PLPP7: variants seen among roughly 807,000 people sequenced by gnomAD.
PLPP7 encodes phospholipid phosphatase 7 (inactive), also known as inactive phospholipid phosphatase 7.
A neutral mutation model predicts 16.9 loss-of-function variants in PLPP7; 11 were observed. The ratio of observed to expected loss-of-function variants is 0.65; its 90% CI spans 0.41 to 1.08. PLPP7 has a LOEUF of 1.08. Among genes scored for constraint, PLPP7 ranks in the 50% least tolerant of loss-of-function variants. The pLI is 0.00. For synonymous variants in PLPP7, 174 were observed against 175.1 expected, an observed-to-expected ratio of 0.99 and a Z score of 0.05; for missense variants, 358 against 397.1, an observed-to-expected ratio of 0.90 and a Z score of 0.84.
intron 1 of PLPP7, among the ~76,000 whole-genome samples, chr9:131,296,173 T>C (rs1409104959): frequency 6.6e-6 from 1 of 152,134 alleles, no homozygotes; most frequent in Admixed American, 6.5e-5. Flanking sequence ...CATTATCTGG[T>C]TTTTCAATCA....
Position 131,308,155 on chromosome 9 carries a change from C to T in PLPP7, c.684C>T (p.Ser228=), listed in dbSNP as rs990815589. Reference sequence around the variant, plus strand: ...TCTGGGCCCTCTGCGTGGGCCTGTCCCGCGTGATGATCGGCCGCCACCACG... The same window carrying T: ...TCTGGGCCCTCTGCGTGGGCCTGTCTCGCGTGATGATCGGCCGCCACCACG... The part of the protein sequence containing the change: ...LVLWALCVGL[S]RVMIGRHHVT... The change falls in exon 2 of 2, where the codon TCC becomes TCT. Residue 228 remains serine (S), a synonymous_variant. Coordinates refer to ENST00000372264, the MANE Select transcript of PLPP7 (RefSeq NM_032728.4). 1 of 1,600,646 alleles carries T rather than the reference C, an allele frequency of 6.2e-7. No homozygotes were observed. Among genetic ancestry groups the T allele is most frequent in the Non-Finnish European group, 8.5e-7 (1 of 1,179,820 alleles).
chr9:131,301,523 C>T (rs1170076830), intron 1 of PLPP7, among the ~76,000 whole-genome samples: 4 of 152,232 alleles, frequency 2.6e-5, no homozygotes, highest in Non-Finnish European at 5.9e-5. Context: ...GCCTCTCTTA[C>T]TTGTCTTGAG....
chr9:131,303,488 C>CTTTTTTTTTTTTTTTTTTTTT (rs5900928), intron 1 of PLPP7, among the ~76,000 whole-genome samples: 1 of 143,922 alleles, frequency 6.9e-6, no homozygotes, highest in African/African-American at 2.6e-5. Flanking sequence ...TCTTCTGTGT[C>CTTTTTTTTTTTTTTTTTTTTT]TTTTTTTTTT....
chr9:131,302,051 T>C (rs1835804556), intron 1 of PLPP7, among the ~76,000 whole-genome samples: 1 of 152,098 alleles, frequency 6.6e-6, no homozygotes, highest in African/African-American at 2.4e-5. Flanking sequence ...ACTCCTGACC[T>C]CAGGCGCTCC....
At chr9:131,293,316 T>C (rs1226919607) in intron 1 of PLPP7, among the ~76,000 whole-genome samples, 1 of 151,948 alleles carries the variant, frequency 6.6e-6, no homozygotes, top group African/African-American at 2.4e-5. Context: ...TGGGAGGAGG[T>C]TGACTGTCTT....
rs533570135 is a variant in PLPP7, at chr9:131,295,825, C to T, written c.451+5377C>T. Among the ~76,000 whole-genome samples, 29 of 152,258 alleles carry T rather than the reference C, an allele frequency of 1.9e-4. No individual in the cohort carries two copies. Among genetic ancestry groups the T allele is most frequent in the African/African-American group, 6.0e-4 (25 of 41,544 alleles). On this transcript the variant is annotated intron_variant, in intron 1 of 1. Transcript: ENST00000372264. This position sits in a 1 kb window ranked among gnomAD's most constrained non-coding sequence, Gnocchi z 4.0. ...CGAGGTCCATCCATGCTGTAGCGGG[C>T]GCCGGCATTTCCTTCCTCTCTAAGG...
chr9:131,301,673 C>T (rs1346151566), intron 1 of PLPP7, among the ~76,000 whole-genome samples: 1 of 152,198 alleles, frequency 6.6e-6, no homozygotes. Flanking sequence ...CCAGGCGGGG[C>T]TAGGACTCAC....
At chr9:131,304,495 C>T (rs1372396596) in intron 1 of PLPP7, among the ~76,000 whole-genome samples, 12 of 152,114 alleles carry the variant, frequency 7.9e-5, no homozygotes, top group African/African-American at 2.2e-4. Context: ...ATTAGCCAGC[C>T]GTGGTGTCAG....
chr9:131,300,858 C>T lies in PLPP7; in HGVS notation c.452-7065C>T, dbSNP rs369211847. ...AGTTGAGGTGCTGGGCCCAGTGTAC[C>T]CCCCGGGTGACTTAGTAAAGTCAGC... On this transcript the variant is annotated intron_variant, in intron 1 of 1. Transcript: ENST00000372264. Among the ~76,000 whole-genome samples the T allele has an allele frequency of 3.9e-5, 6 of 152,156 alleles. No homozygotes were observed. In the East Asian group the frequency reaches 1.2e-3, roughly 29 times the overall value.
rs367828049 is a variant in PLPP7 at position 131,307,916 on chromosome 9, C to T, written c.452-7C>T. ...ATGGCCCAGGGGCCTCTGTCTCCCC[C>T]CAACAGCCCTGCTCCTGGACATCAT... is the stretch of plus-strand genomic sequence containing the variant. On this transcript the variant is annotated splice_polypyrimidine_tract_variant and splice_region_variant and intron_variant, in intron 1 of 1. Transcript: ENST00000372264. 1.2e-5 allele frequency: 19 copies of T among 1,570,368 alleles called. No homozygotes were observed. In the South Asian group the frequency reaches 1.5e-4, roughly 12 times the overall value.
intron 1 of PLPP7, among the ~76,000 whole-genome samples, chr9:131,300,632 T>A (rs1835787380): frequency 6.8e-6 from 1 of 146,516 alleles, no homozygotes; most frequent in Non-Finnish European, 1.5e-5. Flanking sequence ...CAATGAACCA[T>A]GTTTGCACCA....
chr9:131,308,137 C>A lies in PLPP7; in HGVS notation c.666C>A (p.Ala222=). 6.2e-7 allele frequency: 1 copy of A among 1,600,952 alleles called. No homozygotes were observed. Among genetic ancestry groups the A allele is most frequent in the Non-Finnish European group, 8.5e-7 (1 of 1,179,792 alleles). The change falls in exon 2 of 2, where the codon GCC becomes GCA. Residue 222 remains alanine, a synonymous_variant. Coordinates refer to ENST00000372264, the MANE Select transcript of PLPP7 (RefSeq NM_032728.4). ...TGCGTGTGCTGCTGGTGCTCTGGGCCCTCTGCGTGGGCCTGTCCCGCGTGA... is the reference window on the plus strand; with the variant it reads ...TGCGTGTGCTGCTGGTGCTCTGGGCACTCTGCGTGGGCCTGTCCCGCGTGA... The part of the protein sequence containing the change: ...VPLRVLLVLW[A]LCVGLSRVMI...
At chr9:131,306,145 G>T (rs1044803252) in intron 1 of PLPP7, among the ~76,000 whole-genome samples, 5 of 152,086 alleles carry the variant, frequency 3.3e-5, no homozygotes, top group Non-Finnish European at 7.4e-5. Flanking sequence ...GCTGAGGCAG[G>T]AGAATGGCGT....
rs145074466 is a variant in PLPP7 at position 131,305,808 on chromosome 9, T to G, written c.452-2115T>G. Among the ~76,000 whole-genome samples the G allele has an allele frequency of 1.8e-3, 279 of 152,308 alleles. 1 individual carries two copies. The highest frequency in any genetic ancestry group is 6.4e-3 in the African/African-American group (268 of 41,580). ...CACACATGTCTAATTTTTGTATTTT[T>G]TGTACAAACAGGGTTTTGCCATGTT... On this transcript the variant is annotated intron_variant, in intron 1 of 1. Transcript: ENST00000372264.
At chr9:131,297,701 T>C (rs1236662257) in intron 1 of PLPP7, among the ~76,000 whole-genome samples, 2 of 152,204 alleles carry the variant, frequency 1.3e-5, no homozygotes, top group Non-Finnish European at 2.9e-5. Context: ...AAATAACTTT[T>C]TAAAAATGTG....
At chr9:131,305,099 G>A (rs1171753500) in intron 1 of PLPP7, among the ~76,000 whole-genome samples, 1 of 152,174 alleles carries the variant, frequency 6.6e-6, no homozygotes, top group Non-Finnish European at 1.5e-5. Context: ...CACACACAGA[G>A]TTACTGTCAT....
In PLPP7 at chr9:131,308,409, C is replaced by T; in HGVS notation, c.*122C>T. 5.0e-6 allele frequency: 7 copies of T among 1,402,004 alleles called. No individual in the cohort carries two copies. The highest frequency in any genetic ancestry group is 6.6e-6 in the Non-Finnish European group (7 of 1,068,186). The allele number at this position is 1,402,004 out of a possible 1,614,324, so 86.8% of individuals were successfully genotyped here. ...CCAGGAGTCAGAGCGGCCACCCCCA[C>T]CTCATCTTCCCCTCCTGGCTGGAGG... On this transcript the variant is annotated 3_prime_UTR_variant, in exon 2 of 2. Coordinates refer to ENST00000372264, the MANE Select transcript of PLPP7 (RefSeq NM_032728.4).
rs757548563 is a variant in PLPP7 at position 131,308,003 on chromosome 9, C to A, written c.532C>A (p.Leu178Ile). The A allele has an allele frequency of 3.1e-6, 5 of 1,600,898 alleles. No homozygotes were observed. In the South Asian group the frequency reaches 5.5e-5, roughly 18 times the overall value. Residue 178 changes from leucine to isoleucine, a missense_variant, in exon 2 of 2, where the codon CTC (leucine) becomes ATC (isoleucine). Coordinates refer to ENST00000372264, the MANE Select transcript of PLPP7 (RefSeq NM_032728.4). The part of the protein sequence containing the change: ...RRGPYETSPS[L>I]LDYLTMDIYA... Reference sequence around the variant, plus strand: ...CGGCCCGTACGAGACGAGCCCCAGCCTCCTGGACTACCTCACCATGGACAT... The same window carrying A: ...CGGCCCGTACGAGACGAGCCCCAGCATCCTGGACTACCTCACCATGGACAT...
rs1240533335 is a variant in PLPP7 at position 131,290,503 on chromosome 9, G to GCCTGC, written c.451+58_451+62dup. ...GTCAGGCCCCTCGGGAGGCAGCCTG[G>GCCTGC]CCTGCCCAACCCCACCCTGGCCGGG... is the stretch of plus-strand genomic sequence containing the variant. On this transcript the variant is annotated intron_variant, in intron 1 of 1. Coordinates refer to ENST00000372264, the MANE Select transcript of PLPP7 (RefSeq NM_032728.4). The surrounding 1 kb of genome is among the most constrained non-coding windows in gnomAD (Gnocchi z 4.2). 6.9e-7 allele frequency: 1 copy of GCCTGC among 1,457,600 alleles called. No individual in the cohort carries two copies. Among genetic ancestry groups the GCCTGC allele is most frequent in the Non-Finnish European group, 9.1e-7 (1 of 1,104,344 alleles). The allele number at this position is 1,457,600 out of a possible 1,614,324, so 90.3% of individuals were successfully genotyped here.
Sources: gnomAD v4.1 joint callset for allele counts (sites outside exome capture counted in the v4.1 genomes callset) on GRCh38, gnomAD v4.1.1 for gene constraint, Gnocchi (gnomAD v3.1) non-coding constraint, MANE v1.5 for transcripts, NCBI Gene and HGNC (gene_info 2026-07-23, HGNC 2026-07-21) for gene names.